Variants in KLF5 observed in about 807,000 individuals in gnomAD.
KLF5 encodes the protein Krueppel-like factor 5.
A neutral mutation model predicts 36.9 loss-of-function variants in KLF5; 9 were observed. The observed-to-expected ratio is 0.24, with a 90% CI of 0.15 to 0.43. The LOEUF is 0.43. Among genes scored for constraint, KLF5 ranks in the 20% least tolerant of loss-of-function variants. The pLI is 1.00. For missense variants in KLF5, 524 were observed against 599.5 expected, an observed-to-expected ratio of 0.87 and a Z score of 1.31; for synonymous variants, 246 against 241.7, an observed-to-expected ratio of 1.02 and a Z score of -0.17.
At chr13:73,065,924 C>T (rs1053475603) in intron 3 of KLF5, among the ~76,000 whole-genome samples, 1 of 152,196 alleles carries the variant, frequency 6.6e-6, no homozygotes, top group African/African-American at 2.4e-5. Context: ...AGGAACTTGA[C>T]CTGCCGGCAA....
chr13:73,075,450 G>A (rs1207845103), intron 3 of KLF5, among the ~76,000 whole-genome samples: 1 of 152,052 alleles, frequency 6.6e-6, no homozygotes, highest in Non-Finnish European at 1.5e-5. Context: ...GTCTAAAATT[G>A]TTATTCTTCA....
rs201754897 is a variant in KLF5, at chr13:73,075,688, T to A, written c.1196-20T>A. On this transcript the variant is annotated intron_variant, in intron 3 of 3. Coordinates refer to ENST00000377687, the MANE Select transcript of KLF5 (RefSeq NM_001730.5). Reference sequence around the variant, plus strand: ...TGCATTACAAGCAGGCCGCTTTACCTCCTTTGTTCGTTGTCACAGGTGAAA... The same window carrying A: ...TGCATTACAAGCAGGCCGCTTTACCACCTTTGTTCGTTGTCACAGGTGAAA... 93 of 1,561,104 alleles carry A rather than the reference T, an allele frequency of 6.0e-5. 1 individual carries two copies. The East Asian group carries it at 1.8e-3, about 30-fold the overall frequency.
chr13:73,065,429 G>T (rs1160660014), intron 3 of KLF5, among the ~76,000 whole-genome samples: 3 of 152,150 alleles, frequency 2.0e-5, no homozygotes, highest in Non-Finnish European at 4.4e-5. Flanking sequence ...TTGAGAAACT[G>T]CTTTTAAGGA....
At position 73,059,220 on chromosome 13, in the gene KLF5, C is replaced by T; in HGVS notation, c.-108C>T. 8.9e-7 allele frequency: 1 copy of T among 1,117,606 alleles called. No homozygotes were observed. Among genetic ancestry groups the T allele is most frequent in the Non-Finnish European group, 1.1e-6 (1 of 875,170 alleles). The allele number at this position is 1,117,606 out of a possible 1,614,324, so 69.2% of individuals were successfully genotyped here. On this transcript the variant is annotated 5_prime_UTR_variant, in exon 1 of 4. Transcript: ENST00000377687. ...GCTGTCTGAGGAGTCCACCCGAAAC[C>T]TCCCCTCCTCCGCCGGCAGCCCCGC...
At chr13:73,062,810 CGT>C (rs2044649368) in intron 2 of KLF5, 76 bp downstream of exon 2, 2 of 1,293,212 alleles carry the variant, frequency 1.5e-6, no homozygotes, top group Admixed American at 3.8e-5. Flanking sequence ...CGCGCGTGTG[CGT>C]GTGTGCACGC....
At position 73,061,892 on chromosome 13, in the gene KLF5, C is replaced by T; in HGVS notation, c.293C>T (p.Pro98Leu). Reference sequence around the variant, plus strand: ...TGTGAAATGGAGAAGTATCTGACACCTCAGCTTCCTCCAGTTCCTATAATT... The same window carrying T: ...TGTGAAATGGAGAAGTATCTGACACTTCAGCTTCCTCCAGTTCCTATAATT... ...TRCEMEKYLT[P>L]QLPPVPIIPE... The change falls in exon 2 of 4, where the codon CCT becomes CTT. Residue 98 changes from proline (P) to leucine (L), a missense_variant. Transcript: ENST00000377687. 1 of 1,613,580 alleles carries T rather than the reference C, an allele frequency of 6.2e-7. No individual in the cohort carries two copies. The highest frequency in any genetic ancestry group is 2.2e-5 in the East Asian group (1 of 44,858).
Position 73,059,024 on chromosome 13 carries a change from G to GCGCTCGCGGTT in KLF5, c.-302_-292dup, listed in dbSNP as rs1335882204. ...GTCAGTAGTCGCGGGGCAGGTACGT[G>GCGCTCGCGGTT]CGCTCGCGGTTCTCTCGCGGAGGTC... On this transcript the variant is annotated 5_prime_UTR_variant, in exon 1 of 4. Coordinates refer to ENST00000377687, the MANE Select transcript of KLF5 (RefSeq NM_001730.5). 1.1e-5 allele frequency: 3 copies of GCGCTCGCGGTT among 267,596 alleles called. No homozygotes were observed. The highest frequency in any genetic ancestry group is 2.1e-5 in the Non-Finnish European group (3 of 141,714). 16.6% of individuals were successfully genotyped at this position (267,596 alleles called of 1,614,324 possible).
intron 3 of KLF5, 28 bp from the exon 4 acceptor site, chr13:73,075,680 G>T (rs756153988): frequency 6.5e-7 from 1 of 1,547,214 alleles, no homozygotes; most frequent in South Asian, 1.2e-5. Context: ...CAAGCAGGCC[G>T]CTTTACCTCC....
intron 3 of KLF5, among the ~76,000 whole-genome samples, chr13:73,064,264 A>G (rs2044663031): frequency 6.6e-6 from 1 of 152,124 alleles, no homozygotes; most frequent in Non-Finnish European, 1.5e-5. Flanking sequence ...GCCATTTTAA[A>G]CTCTTAAAAA....
At chr13:73,071,429 C>T (rs1480882038) in intron 3 of KLF5, among the ~76,000 whole-genome samples, 2 of 152,078 alleles carry the variant, frequency 1.3e-5, no homozygotes, top group Non-Finnish European at 2.9e-5. Context: ...TTGATATGGA[C>T]CTTCTGTTCC....
At chr13:73,060,693 T>C (rs1376237739) in intron 1 of KLF5, 1 of 152,202 alleles carries the variant, frequency 6.6e-6, no homozygotes, top group Admixed American at 6.5e-5. Flanking sequence ...TGAAATGAAG[T>C]AGTAGCAGAA....
intron 3 of KLF5, among the ~76,000 whole-genome samples, chr13:73,070,004 A>G (rs183812181): frequency 1.3e-5 from 2 of 152,312 alleles, no homozygotes; most frequent in East Asian, 1.9e-4. Context: ...GATGGCCTAC[A>G]TCGTTTCTAG....
At position 73,060,926 on chromosome 13, in the gene KLF5, G is replaced by C. The variant is rs149797783; in HGVS notation, c.262-935G>C. ...GTTTGAAAAGTATTTGGTTATTTCA[G>C]TTTGTCAATTTTCTGCTCTGGAGGC... is the stretch of plus-strand genomic sequence containing the variant. On this transcript the variant is annotated intron_variant, in intron 1 of 3. Coordinates refer to ENST00000377687, the MANE Select transcript of KLF5 (RefSeq NM_001730.5). Among the ~76,000 whole-genome samples the C allele has an allele frequency of 4.3e-3, 661 of 152,294 alleles. 1 individual carries two copies. Among genetic ancestry groups the C allele is most frequent in the Non-Finnish European group, 5.5e-3 (374 of 68,016 alleles).
In KLF5 at chr13:73,075,497, G is replaced by A. The variant is rs4885065; in HGVS notation, c.1196-211G>A. 0.81 allele frequency among the ~76,000 whole-genome samples: 123,127 copies of A among 152,126 alleles called. 50,029 individuals carry two copies. The highest frequency in any genetic ancestry group is 0.87 in the Admixed American group (13,223 of 15,282). ...GTACACAAAATGCTTTTTTCTTTATGAGGTAAAAAATACTTGGAGGTTATA... is the reference window on the plus strand; with the variant it reads ...GTACACAAAATGCTTTTTTCTTTATAAGGTAAAAAATACTTGGAGGTTATA... On this transcript the variant is annotated intron_variant, in intron 3 of 3. Transcript: ENST00000377687.
rs777051637 is a variant in KLF5 at position 73,062,093 on chromosome 13, C to G, written c.494C>G (p.Pro165Arg). 9.3e-6 allele frequency: 15 copies of G among 1,614,034 alleles called. No homozygotes were observed. The highest frequency in any genetic ancestry group is 1.3e-5 in the Non-Finnish European group (15 of 1,180,046). Residue 165 changes from proline to arginine, a missense_variant, in exon 2 of 4, where the codon CCT becomes CGT. Transcript: ENST00000377687. ...TGCGTAACACACATCAAGACAGAAC[C>G]TGTTGCCATTTTCAGCCACCAGAGT... Reference protein sequence around the residue: ...RPCVTHIKTEPVAIFSHQSET... With the variant: ...RPCVTHIKTERVAIFSHQSET...
At chr13:73,063,491 G>T (rs1229328159) in intron 2 of KLF5, among the ~76,000 whole-genome samples, 1 of 152,092 alleles carries the variant, frequency 6.6e-6, no homozygotes, top group African/African-American at 2.4e-5. Flanking sequence ...AGTACTGTCA[G>T]CTCTAGAGCC....
intron 3 of KLF5, among the ~76,000 whole-genome samples, chr13:73,066,863 TGTC>T (rs2044683640): frequency 6.6e-6 from 1 of 152,216 alleles, no homozygotes; most frequent in Non-Finnish European, 1.5e-5. Flanking sequence ...TACAAAGTTC[TGTC>T]TTCTTTGTGT....
intron 3 of KLF5, among the ~76,000 whole-genome samples, chr13:73,067,786 C>T (rs1020316830): frequency 3.3e-5 from 5 of 151,640 alleles, no homozygotes; most frequent in Admixed American, 6.6e-5. Flanking sequence ...GAAACACGCC[C>T]GTAGGAGAAA....
intron 3 of KLF5, among the ~76,000 whole-genome samples, chr13:73,068,216 A>G (rs2044695429): frequency 1.3e-5 from 2 of 152,164 alleles, no homozygotes; most frequent in Non-Finnish European, 1.5e-5. Context: ...TCCTGGAAAG[A>G]TTTTTAGTGG....
Sources: gnomAD v4.1 joint callset for allele counts (sites outside exome capture counted in the v4.1 genomes callset) on GRCh38, gnomAD v4.1.1 for gene constraint, MANE v1.5 for transcripts, NCBI Gene and HGNC (gene_info 2026-07-23, HGNC 2026-07-21) for gene names.